SLC30A8: variants seen among roughly 807,000 people sequenced by gnomAD.
SLC30A8 encodes proton-coupled zinc antiporter SLC30A8.
A neutral mutation model predicts 36.9 loss-of-function variants in SLC30A8; 27 were observed. The observed-to-expected ratio is 0.73, with a 90% CI of 0.54 to 1.01. SLC30A8 has a LOEUF of 1.01. SLC30A8 is among the 50% of genes least tolerant of loss of function. The pLI is 0.00. For missense variants in SLC30A8, 439 were observed against 452.0 expected, an observed-to-expected ratio of 0.97 and a Z score of 0.26; for synonymous variants, 164 against 172.4, an observed-to-expected ratio of 0.95 and a Z score of 0.38.
intron 1 of SLC30A8, among the ~76,000 whole-genome samples, chr8:116,990,250 C>T (rs980310136): frequency 3.9e-5 from 6 of 151,980 alleles, no homozygotes; most frequent in South Asian, 2.1e-4. Context: ...ATTGCCCCTC[C>T]GGGAGGTGAC....
At position 116,993,447 on chromosome 8, in the gene SLC30A8, A is replaced by G. The variant is rs535822261; in HGVS notation, c.-266+42328A>G. 6.6e-5 allele frequency among the ~76,000 whole-genome samples: 10 copies of G among 152,240 alleles called. No individual in the cohort carries two copies. In the South Asian group the frequency reaches 1.7e-3, roughly 25 times the overall value. On this transcript the variant is annotated intron_variant, in intron 1 of 10. Coordinates refer to the SLC30A8 transcript ENST00000427715. ...AAAACTGAGTTCACAGTGTAATTCA[A>G]AGCATCTACAATGTCTAAAAATTAC...
chr8:117,026,030 A>G (rs1016769241), intron 1 of SLC30A8, among the ~76,000 whole-genome samples: 1 of 152,074 alleles, frequency 6.6e-6, no homozygotes, highest in East Asian at 1.9e-4. Flanking sequence ...GCACTTTAGG[A>G]GTTATGAAGG....
intron 2 of SLC30A8, among the ~76,000 whole-genome samples, chr8:117,105,232 C>T (rs777600049): frequency 1.4e-4 from 22 of 152,222 alleles, no homozygotes; most frequent in African/African-American, 3.1e-4. Flanking sequence ...CTGGTTCAAA[C>T]GCCTCTGACA....
At chr8:117,140,933 G>C (rs57177943) in intron 1 of SLC30A8, among the ~76,000 whole-genome samples, 4,224 of 152,074 alleles carry the variant, frequency 0.028, 127 homozygotes, top group African/African-American at 0.068. Context: ...TATAATCTTA[G>C]ATGAAATGGA....
intron 1 of SLC30A8, among the ~76,000 whole-genome samples, chr8:116,969,417 C>G (rs916412123): frequency 7.9e-5 from 12 of 152,152 alleles, no homozygotes; most frequent in African/African-American, 2.7e-4. Flanking sequence ...GTTTCTGTGC[C>G]TGGTTTACCC....
intron 1 of SLC30A8, among the ~76,000 whole-genome samples, chr8:116,980,173 A>G (rs532755813): frequency 1.3e-5 from 2 of 152,292 alleles, no homozygotes; most frequent in South Asian, 4.1e-4. Flanking sequence ...CCTTAATTTT[A>G]TCTTAACCCC....
At chr8:117,142,987 C>T (rs1018016819) in intron 1 of SLC30A8, among the ~76,000 whole-genome samples, 1 of 152,090 alleles carries the variant, frequency 6.6e-6, no homozygotes, top group African/African-American at 2.4e-5. Flanking sequence ...GAGGCTGAAG[C>T]TTTTATCTCC....
chr8:117,101,123 AT>A (rs944109399), intron 2 of SLC30A8, among the ~76,000 whole-genome samples: 49 of 152,174 alleles, frequency 3.2e-4, no homozygotes, highest in African/African-American at 1.1e-3. Flanking sequence ...AATTAAAAAA[AT>A]ATTATTATAT....
chr8:117,091,804 G>A (rs527770653), intron 2 of SLC30A8, among the ~76,000 whole-genome samples: 3 of 152,130 alleles, frequency 2.0e-5, no homozygotes, highest in African/African-American at 7.2e-5. Flanking sequence ...ATTTCTGTGG[G>A]CTATGTGAAA....
At chr8:117,164,347 G>A (rs1285102009) in intron 6 of SLC30A8, 4 of 152,278 alleles carry the variant, frequency 2.6e-5, no homozygotes, top group African/African-American at 9.7e-5. Context: ...TGAGGTGGGA[G>A]GATTGCTTGA....
chr8:116,998,310 G>A (rs1034040275), intron 1 of SLC30A8, among the ~76,000 whole-genome samples: 4 of 152,186 alleles, frequency 2.6e-5, no homozygotes, highest in African/African-American at 9.7e-5. Context: ...TGGCAATGAT[G>A]GCCAGAAATT....
chr8:117,011,727 CA>C (rs1280336774), intron 1 of SLC30A8, among the ~76,000 whole-genome samples: 2 of 152,124 alleles, frequency 1.3e-5, no homozygotes, highest in African/African-American at 4.8e-5. Flanking sequence ...CTCAATCCTC[CA>C]AAACTTCTTA....
intron 2 of SLC30A8, among the ~76,000 whole-genome samples, chr8:117,121,068 T>C (rs1484595246): frequency 6.6e-6 from 1 of 151,868 alleles, no homozygotes; most frequent in East Asian, 1.9e-4. Flanking sequence ...GCAGCCACTA[T>C]GGAAAATAAT....
chr8:117,135,743 T>G (rs1056146244), intron 1 of SLC30A8, among the ~76,000 whole-genome samples: 1 of 151,878 alleles, frequency 6.6e-6, no homozygotes, highest in Non-Finnish European at 1.5e-5. Flanking sequence ...TATATTATAT[T>G]TAGAAAAAGT....
intron 2 of SLC30A8, among the ~76,000 whole-genome samples, chr8:117,097,587 T>C (rs1224333850): frequency 1.1e-5 from 1 of 88,930 alleles, no homozygotes; most frequent in Non-Finnish European, 2.0e-5. Flanking sequence ...TTTTAAATAA[T>C]ATATATTATA....
chr8:117,002,023 G>A (rs1816024770), intron 1 of SLC30A8, among the ~76,000 whole-genome samples: 2 of 152,122 alleles, frequency 1.3e-5, no homozygotes, highest in Admixed American at 6.5e-5. Flanking sequence ...TTAATTAACT[G>A]CCCAAGTAAA....
chr8:117,125,508 A>G (rs1247291889), intron 2 of SLC30A8, among the ~76,000 whole-genome samples: 3 of 152,006 alleles, frequency 2.0e-5, no homozygotes, highest in African/African-American at 7.2e-5. Context: ...AACTTGTGCT[A>G]TTAGCAGGAG....
chr8:117,026,746 C>G (rs986211364), intron 1 of SLC30A8, among the ~76,000 whole-genome samples: 1 of 152,176 alleles, frequency 6.6e-6, no homozygotes, highest in Non-Finnish European at 1.5e-5. Context: ...ATGTATTGTG[C>G]ACTCTTGCTA....
At chr8:116,966,314 T>G (rs1335512927) in intron 1 of SLC30A8, among the ~76,000 whole-genome samples, 2 of 152,164 alleles carry the variant, frequency 1.3e-5, no homozygotes, top group African/African-American at 4.8e-5. Flanking sequence ...GGGTTCTGGT[T>G]TGCTCAAGTT....
Sources: allele counts gnomAD v4.1 joint callset (sites outside exome capture counted in the v4.1 genomes callset), GRCh38; gene constraint gnomAD v4.1.1; transcripts MANE v1.5; gene names NCBI Gene and HGNC (gene_info 2026-07-23, HGNC 2026-07-21).